PKHD1L1: variants seen among roughly 807,000 people sequenced by gnomAD.
The protein encoded by PKHD1L1 is PKHD1 like 1, also known as fibrocystin-L.
In PKHD1L1, 434 loss-of-function variants were observed where a neutral mutation model predicts 462.9. The observed-to-expected ratio is 0.94, with a 90% confidence interval of 0.87 to 1.02. The LOEUF (loss-of-function observed/expected upper bound fraction) is 1.02. PKHD1L1 is among the 50% of genes least tolerant of loss of function. The pLI, the probability that PKHD1L1 is intolerant of heterozygous loss-of-function variation, is 0.00. For missense variants in PKHD1L1, 5,202 were observed against 5,096.1 expected (o/e 1.02, Z -0.63); for synonymous variants, 1,781 against 1,750.0 (o/e 1.02, Z -0.44).
chr8:109,487,833 G>T (rs2130908386), intron 59 of PKHD1L1, among the ~76,000 whole-genome samples: 1 of 149,120 alleles, frequency 6.7e-6, no homozygotes, highest in South Asian at 2.2e-4. Context: ...GGGCACTATA[G>T]TGAGACCCAG....
rs35561171 is a variant in PKHD1L1, at chr8:109,518,451, A to T, written c.11974A>T (p.Ile3992Leu). Residue 3992 changes from isoleucine to leucine, a missense_variant, in exon 73 of 78, where the codon ATA becomes TTA. Ile to Leu is a conservative substitution (Grantham distance 5). This residue lies in a region of PKHD1L1 where 698 missense variants were observed against 736.3 expected (regional missense o/e 0.95). Transcript: ENST00000378402. ...GAGGAGGAAGAGATCCATGGGATTC[A>T]TAATTGAAATAGAGATTGGAGACCC... ...SLRRKRSMGF[I>L]IEIEIGDPPI... is the part of the protein sequence containing the mutation. 2 of 1,609,732 alleles carry T rather than the reference A, an allele frequency of 1.2e-6. No homozygotes were observed. Among genetic ancestry groups the T allele is most frequent in the African/African-American group, 1.3e-5 (1 of 74,890 alleles).
At chr8:109,410,670 A>C (rs1813790635) in intron 19 of PKHD1L1, among the ~76,000 whole-genome samples, 1 of 150,690 alleles carries the variant, frequency 6.6e-6, no homozygotes, top group Admixed American at 6.6e-5. Context: ...GTGGGGACGC[A>C]GATCCAAAAT....
chr8:109,415,067 A>G (rs1290681732), intron 21 of PKHD1L1, among the ~76,000 whole-genome samples: 1 of 151,448 alleles, frequency 6.6e-6, no homozygotes, highest in Non-Finnish European at 1.5e-5. Flanking sequence ...GGACCATCAC[A>G]GTTCACTGCA....
chr8:109,428,770 C>G (rs1433808406), intron 25 of PKHD1L1, among the ~76,000 whole-genome samples: 1 of 152,120 alleles, frequency 6.6e-6, no homozygotes, highest in Admixed American at 6.5e-5. Context: ...CTTTGCTAGT[C>G]CCTGAATACA....
Position 109,456,366 on chromosome 8 carries a change from A to T in PKHD1L1, c.6979A>T (p.Ile2327Phe). The change falls in exon 46 of 78, where the codon ATT (isoleucine) becomes TTT (phenylalanine). Residue 2327 changes from isoleucine (I) to phenylalanine (F), a missense_variant. Physicochemically the swap from Ile to Phe is conservative, Grantham distance 21. Coordinates refer to ENST00000378402, the MANE Select transcript of PKHD1L1 (RefSeq NM_177531.6). Reference protein sequence around the residue: ...EAVTWKPGDNIVIASTGHRHS... With the variant: ...EAVTWKPGDNFVIASTGHRHS... Reference sequence around the variant, plus strand: ...AGTAACATGGAAACCAGGAGATAACATTGTAATTGCAAGCACAGGACACAG... The same window carrying T: ...AGTAACATGGAAACCAGGAGATAACTTTGTAATTGCAAGCACAGGACACAG... 6.2e-7 allele frequency: 1 copy of T among 1,609,454 alleles called. No individual in the cohort carries two copies. Among genetic ancestry groups the T allele is most frequent in the Non-Finnish European group, 8.5e-7 (1 of 1,177,628 alleles).
rs562420441 is a variant in PKHD1L1 at position 109,467,019 on chromosome 8, C to T, written c.8605+250C>T. ...ACAATATTATGACAGAGAGAGGGAG[C>T]GTTGGCACAGCCCTTGGAGCAAGTA... is the stretch of plus-strand genomic sequence containing the variant. On this transcript the variant is annotated intron_variant, in intron 50 of 77. Coordinates refer to ENST00000378402, the MANE Select transcript of PKHD1L1 (RefSeq NM_177531.6). Among the ~76,000 whole-genome samples the T allele has an allele frequency of 5.3e-5, 8 of 152,110 alleles. No individual in the cohort carries two copies. The South Asian group carries it at 1.0e-3, about 20-fold the overall frequency.
rs917618034 is a variant in PKHD1L1, at chr8:109,429,359, T to C, written c.3020T>C (p.Ile1007Thr). The change falls in exon 26 of 78, where the codon ATT becomes ACT. Residue 1007 changes from isoleucine (I) to threonine (T), a missense_variant. Physicochemically the swap from Ile to Thr is moderately conservative, Grantham distance 89. Coordinates refer to ENST00000378402, the MANE Select transcript of PKHD1L1 (RefSeq NM_177531.6). ...AAATAGATTAATGATTCCAACATTATTGGAGAAAAGGCTAATATGACAGTT... is the reference window on the plus strand; with the variant it reads ...AAATAGATTAATGATTCCAACATTACTGGAGAAAAGGCTAATATGACAGTT... ...NLLQINDSNI[I>T]GEKANMTVTR... The C allele has an allele frequency of 6.5e-7, 1 of 1,531,522 alleles. No homozygotes were observed. The highest frequency in any genetic ancestry group is 8.9e-7 in the Non-Finnish European group (1 of 1,118,518). 94.9% of individuals were successfully genotyped at this position (1,531,522 alleles called of 1,614,324 possible). A position where few individuals can be genotyped will look rare whatever the true frequency, so the allele number is the denominator to read the frequency against.
chr8:109,509,953 T>C lies in PKHD1L1; in HGVS notation c.11396-824T>C, dbSNP rs546242796. On this transcript the variant is annotated intron_variant, in intron 70 of 77. Coordinates refer to ENST00000378402, the MANE Select transcript of PKHD1L1 (RefSeq NM_177531.6). ...TATATATGTATAATCTCAGCCACTT[T>C]AAGTGAAATAGAGAAGTTTGTTATA... is the stretch of plus-strand genomic sequence containing the variant. Among the ~76,000 whole-genome samples, 22 of 152,276 alleles carry C rather than the reference T, an allele frequency of 1.4e-4. No homozygotes were observed. The South Asian group carries it at 3.7e-3, about 26-fold the overall frequency.
intron 40 of PKHD1L1, 146 bp from the exon 41 acceptor site, chr8:109,450,829 C>A: frequency 6.8e-6 from 5 of 736,074 alleles, no homozygotes; most frequent in Non-Finnish European, 6.3e-6. Flanking sequence ...GCTAGAGGGC[C>A]ACTATTATTC....
At chr8:109,418,043 C>A (rs1814274349) in intron 21 of PKHD1L1, among the ~76,000 whole-genome samples, 3 of 152,192 alleles carry the variant, frequency 2.0e-5, no homozygotes, top group Admixed American at 6.6e-5. Flanking sequence ...TAAAAACAGG[C>A]TGCCTTTCTC....
At chr8:109,411,553 C>T (rs1813857389) in intron 19 of PKHD1L1, among the ~76,000 whole-genome samples, 1 of 152,098 alleles carries the variant, frequency 6.6e-6, no homozygotes, top group Non-Finnish European at 1.5e-5. Context: ...TTACCTCCTA[C>T]TCCTTTCCTA....
intron 2 of PKHD1L1, among the ~76,000 whole-genome samples, chr8:109,371,768 C>T (rs1811523857): frequency 6.6e-6 from 1 of 151,802 alleles, no homozygotes; most frequent in African/African-American, 2.4e-5. Flanking sequence ...GGAATCCTTT[C>T]CCCATTGCTT....
Position 109,522,188 on chromosome 8 carries a change from C to T in PKHD1L1, c.12034C>T (p.Gln4012Ter). The T allele has an allele frequency of 6.3e-7, 1 of 1,597,994 alleles. No homozygotes were observed. The highest frequency in any genetic ancestry group is 8.6e-7 in the Non-Finnish European group (1 of 1,166,878). ...TGTCATAATACTTTTCCCCATAGGT[C>T]AGATGCAGTTATCTGAACTCCAGGA... is the stretch of plus-strand genomic sequence containing the variant. ...IQFISNGTTGQMQLSELQEIA... is the reference protein window; with the variant it reads ...IQFISNGTTG The change falls in exon 74 of 78, where the codon CAG (glutamine) becomes TAG (stop). Residue 4012 changes from glutamine (Q) to a stop codon, truncating the protein, a stop_gained and splice_region_variant. Transcript: ENST00000378402. LOFTEE classifies it high-confidence loss of function.
At chr8:109,431,019 G>C (rs1269613709) in intron 27 of PKHD1L1, among the ~76,000 whole-genome samples, 1 of 149,032 alleles carries the variant, frequency 6.7e-6, no homozygotes, top group Non-Finnish European at 1.5e-5. Context: ...CCAGGCTGGA[G>C]TGCAGTAGTG....
At chr8:109,454,966 G>T in intron 45 of PKHD1L1, 114 bp downstream of exon 45, 1 of 1,321,704 alleles carries the variant, frequency 7.6e-7, no homozygotes, top group Non-Finnish European at 1.0e-6. Flanking sequence ...AGTGTGTTAG[G>T]CTTCTCATGT....
intron 2 of PKHD1L1, among the ~76,000 whole-genome samples, chr8:109,365,145 T>C (rs888376874): frequency 2.6e-5 from 4 of 152,206 alleles, no homozygotes; most frequent in Non-Finnish European, 4.4e-5. Context: ...TCTCCTTGCC[T>C]GGTCTTAGGA....
chr8:109,464,931 A>G lies in PKHD1L1; in HGVS notation c.8099A>G (p.Asn2700Ser), dbSNP rs1285506181. Residue 2700 changes from asparagine (N) to serine (S), a missense_variant, in exon 49 of 78, where the codon AAT (asparagine) becomes AGT (serine). Asn to Ser is a conservative substitution (Grantham distance 46, BLOSUM62 1). Around this residue, in one of 3 missense-constraint regions of PKHD1L1, gnomAD observed 4,497 missense variants for 4,336.8 expected, o/e 1.04. Coordinates refer to ENST00000378402, the MANE Select transcript of PKHD1L1 (RefSeq NM_177531.6). ...TATGTTGGAGGGTGGGGTGAAACCAATGGAGCGGTGATTAAAAATGCCAAA... is the reference window on the plus strand; with the variant it reads ...TATGTTGGAGGGTGGGGTGAAACCAGTGGAGCGGTGATTAAAAATGCCAAA... ...APYVGGWGET[N>S]GAVIKNAKIV... 2 of 1,613,818 alleles carry G rather than the reference A, an allele frequency of 1.2e-6. No individual in the cohort carries two copies. Among genetic ancestry groups the G allele is most frequent in the Non-Finnish European group, 1.7e-6 (2 of 1,179,802 alleles).
chr8:109,520,779 C>G (rs909863006), intron 73 of PKHD1L1, among the ~76,000 whole-genome samples: 2 of 151,768 alleles, frequency 1.3e-5, no homozygotes, highest in African/African-American at 2.4e-5. Context: ...TATGAGCAGA[C>G]AGTCCTACAG....
intron 73 of PKHD1L1, among the ~76,000 whole-genome samples, chr8:109,520,591 T>C (rs1417638411): frequency 6.6e-6 from 1 of 152,128 alleles, no homozygotes; most frequent in African/African-American, 2.4e-5. Flanking sequence ...ACTGCGATAG[T>C]GTTTCAAGTC....
Sources: allele counts gnomAD v4.1 joint callset (sites outside exome capture counted in the v4.1 genomes callset), GRCh38; gene constraint gnomAD v4.1.1; regional missense constraint gnomAD v4.1.1; transcripts MANE v1.5; gene names NCBI Gene and HGNC (gene_info 2026-07-23, HGNC 2026-07-21).